SGCZ: variants seen among roughly 807,000 people sequenced by gnomAD.
SGCZ encodes zeta-sarcoglycan.
SGCZ carries 40 observed loss-of-function variants against 41.3 expected under a neutral mutation model. The ratio of observed to expected loss-of-function variants is 0.97; its 90% CI spans 0.75 to 1.26. SGCZ has a LOEUF of 1.26. Among genes scored for constraint, SGCZ ranks in the 50% most tolerant of loss-of-function variants. The pLI is 0.00. For missense variants in SGCZ, 552 were observed against 369.8 expected, an observed-to-expected ratio of 1.49 and a Z score of -4.04; for synonymous variants, 206 against 137.5, an observed-to-expected ratio of 1.50 and a Z score of -3.49.
At chr8:14,195,007 A>G (rs1805220146) in intron 4 of SGCZ, among the ~76,000 whole-genome samples, 1 of 152,112 alleles carries the variant, frequency 6.6e-6, no homozygotes, top group Admixed American at 6.6e-5. Flanking sequence ...GTTTAAGAAT[A>G]TTTATAGAAA....
intron 4 of SGCZ, among the ~76,000 whole-genome samples, chr8:14,232,993 T>G (rs1407732229): frequency 2.0e-5 from 3 of 152,072 alleles, no homozygotes; most frequent in Admixed American, 1.3e-4. Flanking sequence ...CTTCTTCTTG[T>G]TTATGACATA....
rs374964961 is a variant in SGCZ at position 14,619,662 on chromosome 8, A to G, written c.40-64736T>C. Reference sequence around the variant, plus strand: ...TACACCAAGAGCAGACAAACAGAGAACCAAATCATGAGTGAACTCCCATTC... The same window carrying G: ...TACACCAAGAGCAGACAAACAGAGAGCCAAATCATGAGTGAACTCCCATTC... On this transcript the variant is annotated intron_variant, in intron 1 of 7. Coordinates refer to ENST00000382080, the MANE Select transcript of SGCZ (RefSeq NM_139167.4). 9.2e-5 allele frequency among the ~76,000 whole-genome samples: 14 copies of G among 152,162 alleles called. No homozygotes were observed. The South Asian group carries it at 1.0e-3, about 11-fold the overall frequency.
chr8:14,740,248 T>G (rs1316393016), intron 1 of SGCZ, among the ~76,000 whole-genome samples: 1 of 152,014 alleles, frequency 6.6e-6, no homozygotes, highest in Admixed American at 6.6e-5. Flanking sequence ...GAGCTTACCT[T>G]TTTAACCAAG....
intron 5 of SGCZ, among the ~76,000 whole-genome samples, chr8:14,161,820 G>C (rs1296892106): frequency 1.3e-5 from 2 of 152,068 alleles, no homozygotes; most frequent in East Asian, 1.9e-4. Context: ...AATGAAAAGA[G>C]AGAGCCAGTG....
chr8:14,449,968 C>T (rs78952263), intron 2 of SGCZ, among the ~76,000 whole-genome samples: 6,215 of 152,038 alleles, frequency 0.041, 398 homozygotes, highest in African/African-American at 0.14. Flanking sequence ...TACAATGTAG[C>T]ATATAATGGT....
chr8:14,552,902 G>C (rs1803915960), intron 2 of SGCZ, among the ~76,000 whole-genome samples: 1 of 152,096 alleles, frequency 6.6e-6, no homozygotes, highest in South Asian at 2.1e-4. Flanking sequence ...GCTCCCTGAA[G>C]TGAGAGAGCT....
At chr8:14,109,786 G>T (rs987209812) in intron 5 of SGCZ, among the ~76,000 whole-genome samples, 2 of 152,204 alleles carry the variant, frequency 1.3e-5, no homozygotes, top group Admixed American at 6.5e-5. Flanking sequence ...AACAGGAAGA[G>T]ATTTTTTTTT....
chr8:14,972,827 C>T (rs1373112587), intron 1 of SGCZ, among the ~76,000 whole-genome samples: 1 of 152,118 alleles, frequency 6.6e-6, no homozygotes. Context: ...ACAAATTAAA[C>T]ATGCTATAAA....
intron 5 of SGCZ, among the ~76,000 whole-genome samples, chr8:14,139,596 T>A (rs1192920170): frequency 6.6e-6 from 1 of 151,676 alleles, no homozygotes; most frequent in Non-Finnish European, 1.5e-5. Flanking sequence ...TAGAAGAAAA[T>A]GATGAATTCC....
chr8:14,549,568 C>A (rs879912656), intron 2 of SGCZ, among the ~76,000 whole-genome samples: 3 of 151,952 alleles, frequency 2.0e-5, no homozygotes, highest in Non-Finnish European at 4.4e-5. Context: ...TGTGCTCAAC[C>A]AAGATATCAA....
At chr8:14,833,523 C>T (rs75211935) in intron 1 of SGCZ, among the ~76,000 whole-genome samples, 3,823 of 152,196 alleles carry the variant, frequency 0.025, 165 homozygotes, top group African/African-American at 0.087. Context: ...GACATCCTTG[C>T]CTAGGCTGAT....
At chr8:14,965,086 G>C (rs547192959) in intron 1 of SGCZ, among the ~76,000 whole-genome samples, 1 of 152,136 alleles carries the variant, frequency 6.6e-6, no homozygotes, top group Admixed American at 6.6e-5. Flanking sequence ...ATGTTTCTTG[G>C]GAGTGGGGAC....
At chr8:14,821,829 T>C (rs1040162060) in intron 1 of SGCZ, among the ~76,000 whole-genome samples, 2 of 152,046 alleles carry the variant, frequency 1.3e-5, no homozygotes, top group South Asian at 2.1e-4. Flanking sequence ...ATAAAGGCCA[T>C]ACGGGACAAA....
chr8:14,378,131 T>C (rs1804207374), intron 2 of SGCZ, among the ~76,000 whole-genome samples: 1 of 150,136 alleles, frequency 6.7e-6, no homozygotes, highest in African/African-American at 2.5e-5. Context: ...GTTGAACTAG[T>C]TTACAGTCCC....
Position 15,172,152 on chromosome 8 carries a change from C to CGGTTTTTTTT in SGCZ, c.39+65432_39+65433insAAAAAAAACC, listed in dbSNP as rs1322884184. ...AAAGGAAAAAAATGCCTTTTATACT[C>CGGTTTTTTTT]TGTTTTTTTTTTTTTTTTTTTTTTT... On this transcript the variant is annotated intron_variant, in intron 1 of 7. Transcript: ENST00000382080. Among the ~76,000 whole-genome samples, 106 of 70,518 alleles carry CGGTTTTTTTT rather than the reference C, an allele frequency of 1.5e-3. 3 individuals carry two copies. Among genetic ancestry groups the CGGTTTTTTTT allele is most frequent in the Non-Finnish European group, 2.1e-3 (78 of 36,908 alleles). 46.3% of individuals were successfully genotyped at this position (70,518 alleles called of 152,430 possible).
chr8:14,135,142 T>C (rs1298516135), intron 5 of SGCZ, among the ~76,000 whole-genome samples: 2 of 152,188 alleles, frequency 1.3e-5, no homozygotes, highest in Non-Finnish European at 2.9e-5. Context: ...CCATTACGCT[T>C]TCTACTGTGT....
intron 1 of SGCZ, among the ~76,000 whole-genome samples, chr8:14,913,388 T>A (rs1378318947): frequency 6.6e-6 from 1 of 152,084 alleles, no homozygotes; most frequent in Non-Finnish European, 1.5e-5. Flanking sequence ...TCAAGTTAAA[T>A]AAATTTGAGA....
At chr8:14,580,085 G>T (rs1171126720) in intron 1 of SGCZ, among the ~76,000 whole-genome samples, 1 of 152,142 alleles carries the variant, frequency 6.6e-6, no homozygotes, top group Non-Finnish European at 1.5e-5. Context: ...CACAAAGACA[G>T]TATGAAGGAA....
chr8:14,786,983 C>A (rs758416184), intron 1 of SGCZ, among the ~76,000 whole-genome samples: 1 of 152,032 alleles, frequency 6.6e-6, no homozygotes, highest in Non-Finnish European at 1.5e-5. Context: ...AAAATTAGAG[C>A]ACCAGGGACT....
Sources: gnomAD v4.1 joint callset for allele counts (sites outside exome capture counted in the v4.1 genomes callset) on GRCh38, gnomAD v4.1.1 for gene constraint, MANE v1.5 for transcripts, NCBI Gene and HGNC (gene_info 2026-07-23, HGNC 2026-07-21) for gene names.